The following MICAL2 variants were observed in gnomAD, a reference collection of about 807,000 sequenced individuals.
MICAL2 encodes the protein microtubule associated monooxygenase, calponin and LIM domain containing 2, also known as [F-actin]-monooxygenase MICAL2.
MICAL2 carries 77 observed loss-of-function variants against 127.3 expected under a neutral mutation model. That is an observed-to-expected ratio of 0.60 (90% CI 0.50 to 0.73). The LOEUF (loss-of-function observed/expected upper bound fraction) is 0.73. MICAL2 is among the 30% of genes least tolerant of loss of function. MICAL2 has a pLI of 0.00. For missense variants in MICAL2, 1,351 were observed against 1,434.4 expected, an observed-to-expected ratio of 0.94 and a Z score of 0.94; for synonymous variants, 570 against 551.1, an observed-to-expected ratio of 1.03 and a Z score of -0.48.
intron 7 of MICAL2, among the ~76,000 whole-genome samples, chr11:12,215,946 C>T (rs548420030): frequency 2.0e-5 from 3 of 152,144 alleles, no homozygotes; most frequent in Admixed American, 1.3e-4. Context: ...CACAATTACC[C>T]GGCTCTAACT....
chr11:12,201,751 C>A (rs1854020986), intron 3 of MICAL2, among the ~76,000 whole-genome samples: 1 of 152,194 alleles, frequency 6.6e-6, no homozygotes, highest in Non-Finnish European at 1.5e-5. Flanking sequence ...TGTACAGAAT[C>A]CTGTTTTGTC....
At chr11:12,126,512 G>A (rs1022829468) in intron 1 of MICAL2, among the ~76,000 whole-genome samples, 9 of 152,144 alleles carry the variant, frequency 5.9e-5, no homozygotes, top group Admixed American at 5.2e-4. Flanking sequence ...GGAGTGGCCA[G>A]TCCAGGTACC....
At chr11:12,297,502 T>C (rs1227077961) in intron 29 of MICAL2, among the ~76,000 whole-genome samples, 1 of 152,092 alleles carries the variant, frequency 6.6e-6, no homozygotes, top group Non-Finnish European at 1.5e-5. Context: ...TACAGTGGCT[T>C]TTCTTATGTA....
At chr11:12,293,632 G>T, downstream of MICAL2, 1 of 1,614,010 alleles carries the variant, frequency 6.2e-7, no homozygotes. Flanking sequence ...ACTTTCGGAG[G>T]CGAGCCGTAG....
intron 22 of MICAL2, among the ~76,000 whole-genome samples, chr11:12,251,042 G>A (rs922913151): frequency 2.0e-5 from 3 of 152,192 alleles, no homozygotes; most frequent in Admixed American, 6.5e-5. Context: ...GGACTGGGCT[G>A]TAATCCCATG....
At chr11:12,124,149 G>C (rs1850724012) in intron 1 of MICAL2, among the ~76,000 whole-genome samples, 1 of 152,068 alleles carries the variant, frequency 6.6e-6, no homozygotes, top group Non-Finnish European at 1.5e-5. Context: ...GATCATTCCT[G>C]TTAAGTTTCA....
rs571631223 is a variant in MICAL2 at position 12,311,271 on chromosome 11, T to C, written c.5213-8425T>C. Among the ~76,000 whole-genome samples the C allele has an allele frequency of 3.3e-5, 5 of 152,334 alleles. No individual in the cohort carries two copies. The South Asian group carries it at 8.3e-4, about 25-fold the overall frequency. Reference sequence around the variant, plus strand: ...TGAAATAAACCCAGCTTGGTCATAATGTACTACCTTTTTATGTATCACTGT... The same window carrying C: ...TGAAATAAACCCAGCTTGGTCATAACGTACTACCTTTTTATGTATCACTGT... On this transcript the variant is annotated intron_variant, in intron 29 of 34. Coordinates refer to the MICAL2 transcript ENST00000646065.
chr11:12,157,953 G>A (rs1213881936), intron 2 of MICAL2, among the ~76,000 whole-genome samples: 4 of 151,956 alleles, frequency 2.6e-5, no homozygotes, highest in African/African-American at 9.7e-5. Context: ...TAAATGAGTT[G>A]TCCAAGTCTA....
downstream of MICAL2, chr11:12,294,629 C>G (rs767708272): frequency 1.2e-6 from 2 of 1,614,192 alleles, no homozygotes; most frequent in Admixed American, 3.3e-5. Flanking sequence ...TTTTTCCTCC[C>G]TCAGACTCAA....
rs1852025306 is a variant in MICAL2, at chr11:12,138,417, C to T, written c.-121C>T. The T allele has an allele frequency of 6.6e-6, 1 of 152,188 alleles. No individual in the cohort carries two copies. The highest frequency in any genetic ancestry group is 1.5e-5 in the Non-Finnish European group (1 of 68,038). The allele number at this position is 152,188 out of a possible 1,614,324, so 9.4% of individuals were successfully genotyped here. On this transcript the variant is annotated 5_prime_UTR_variant, in exon 2 of 28. Coordinates refer to ENST00000683283, the MANE Select transcript of MICAL2 (RefSeq NM_001282663.2). ...ACATGGCAACCCGTGTGTGTCTCATCCCAGAAAGAGAAGACTTTAACCACT... is the reference window on the plus strand; with the variant it reads ...ACATGGCAACCCGTGTGTGTCTCATTCCAGAAAGAGAAGACTTTAACCACT...
rs918007927 is a variant in MICAL2 at position 12,122,699 on chromosome 11, G to A, written c.-149+11973G>A. Among the ~76,000 whole-genome samples, 10 of 152,250 alleles carry A rather than the reference G, an allele frequency of 6.6e-5. No homozygotes were observed. In the East Asian group the frequency reaches 9.7e-4, roughly 15 times the overall value. ...GCTGGGATTACAGGAGTGAGCCACC[G>A]CGCCTGGCCTGCCTTTAATGACTTT... On this transcript the variant is annotated intron_variant, in intron 1 of 27. Transcript: ENST00000683283.
chr11:12,140,765 G>T (rs139301236), intron 2 of MICAL2, among the ~76,000 whole-genome samples: 1 of 152,196 alleles, frequency 6.6e-6, no homozygotes, highest in African/African-American at 2.4e-5. Flanking sequence ...AGATCCTACT[G>T]TTTGTTGTCA....
downstream of MICAL2, among the ~76,000 whole-genome samples, chr11:12,290,930 G>T (rs1863890052): frequency 6.6e-6 from 1 of 152,150 alleles, no homozygotes; most frequent in South Asian, 2.1e-4. Flanking sequence ...GGCCTGTGTG[G>T]GTCCCTGAGG....
At chr11:12,346,602 C>T (rs1372007608) in intron 32 of MICAL2, among the ~76,000 whole-genome samples, 1 of 152,186 alleles carries the variant, frequency 6.6e-6, no homozygotes, top group African/African-American at 2.4e-5. Context: ...AGACTGAGTG[C>T]ACCTGCTGTC....
chr11:12,127,124 G>A (rs1850991728), intron 1 of MICAL2, among the ~76,000 whole-genome samples: 1 of 152,136 alleles, frequency 6.6e-6, no homozygotes. Context: ...TTCAGAACAG[G>A]GATGGGAGGA....
At chr11:12,123,316 G>A (rs779221672) in intron 1 of MICAL2, among the ~76,000 whole-genome samples, 2 of 152,076 alleles carry the variant, frequency 1.3e-5, no homozygotes, top group African/African-American at 4.8e-5. Flanking sequence ...CTTTTTGACT[G>A]AGATTCATCA....
intron 3 of MICAL2, among the ~76,000 whole-genome samples, chr11:12,167,896 A>G (rs1345719358): frequency 6.6e-6 from 1 of 152,222 alleles, no homozygotes; most frequent in African/African-American, 2.4e-5. Flanking sequence ...GCAATGTCAT[A>G]TGGAGAAGAA....
At chr11:12,245,271 C>T (rs942053220) in intron 21 of MICAL2, among the ~76,000 whole-genome samples, 5 of 151,814 alleles carry the variant, frequency 3.3e-5, no homozygotes, top group African/African-American at 1.2e-4. Context: ...GCGTCTGGCT[C>T]CCACCGAGGC....
rs1330311840 is a variant in MICAL2, at chr11:12,226,199, G to A, written c.1717G>A (p.Ala573Thr). ...CTTTGACTCTTTGAATGAAGATGAT[G>A]CTGTGGAGAACAACCAGCTCGCATT... ...INFDSLNEDD[A>T]VENNQLAFDV... Residue 573 changes from alanine to threonine, a missense_variant, in exon 14 of 28, where the codon GCT becomes ACT. By Grantham distance (58) the Ala-to-Thr change is moderately conservative (BLOSUM62 0). Coordinates refer to ENST00000683283, the MANE Select transcript of MICAL2 (RefSeq NM_001282663.2). 6.2e-7 allele frequency: 1 copy of A among 1,614,250 alleles called. No individual in the cohort carries two copies. The highest frequency in any genetic ancestry group is 1.7e-5 in the Admixed American group (1 of 60,032).
Sources: allele counts gnomAD v4.1 joint callset (sites outside exome capture counted in the v4.1 genomes callset), GRCh38; gene constraint gnomAD v4.1.1; transcripts MANE v1.5; gene names NCBI Gene and HGNC (gene_info 2026-07-23, HGNC 2026-07-21).